The following PTBP2 variants were observed in gnomAD, a reference collection of about 807,000 sequenced individuals.
PTBP2 encodes the protein polypyrimidine tract binding protein 2.
In PTBP2, 13 loss-of-function variants were observed where a neutral mutation model predicts 61.4. The ratio of observed to expected loss-of-function variants is 0.21; its 90% CI spans 0.14 to 0.34. The LOEUF is 0.34. Ranked by LOEUF, PTBP2 falls within the 10% of genes least tolerant of loss-of-function variation. PTBP2 has a pLI of 1.00. For missense variants in PTBP2, 405 were observed against 642.6 expected (o/e 0.63, Z 4.00); for synonymous variants, 215 against 218.5 (o/e 0.98, Z 0.14).
intron 2 of PTBP2, among the ~76,000 whole-genome samples, chr1:96,740,941 CGT>C (rs990181985): frequency 4.2e-4 from 63 of 151,690 alleles, no homozygotes; most frequent in African/African-American, 1.5e-3. Flanking sequence ...CATATTCTAA[CGT>C]GTTAATATTA....
At chr1:96,804,462 G>A (rs1661317512) in intron 8 of PTBP2, among the ~76,000 whole-genome samples, 1 of 151,048 alleles carries the variant, frequency 6.6e-6, no homozygotes, top group South Asian at 2.2e-4. Flanking sequence ...ACTGTAAATC[G>A]TGGAAGTGAA....
At chr1:96,751,880 G>C (rs1654590023) in intron 3 of PTBP2, among the ~76,000 whole-genome samples, 1 of 151,820 alleles carries the variant, frequency 6.6e-6, no homozygotes, top group African/African-American at 2.4e-5. Context: ...CAAATTTTAA[G>C]TAAAAACCGA....
At chr1:96,819,257 T>C (rs1662594683), downstream of PTBP2, 1 of 152,014 alleles carries the variant, frequency 6.6e-6, no homozygotes, top group Non-Finnish European at 1.5e-5. Flanking sequence ...TGCCTAAGCC[T>C]TACTGAATGA....
chr1:96,738,900 A>G (rs1652598146), intron 2 of PTBP2, among the ~76,000 whole-genome samples: 1 of 152,204 alleles, frequency 6.6e-6, no homozygotes, highest in Admixed American at 6.5e-5. Context: ...AGATAAGTAT[A>G]TTTTTTAGAT....
intron 8 of PTBP2, among the ~76,000 whole-genome samples, chr1:96,791,844 T>TTTTG (rs1659867918): frequency 7.2e-6 from 1 of 139,838 alleles, no homozygotes. Flanking sequence ...TTTTTTTTTT[T>TTTTG]TTTTTGAGAT....
chr1:96,737,739 A>T (rs1039301280), intron 2 of PTBP2, among the ~76,000 whole-genome samples: 1 of 152,212 alleles, frequency 6.6e-6, no homozygotes, highest in African/African-American at 2.4e-5. Flanking sequence ...TGACAGTAAT[A>T]TGGAGAGCTT....
downstream of PTBP2, chr1:96,816,362 T>C (rs1293635921): frequency 6.6e-6 from 1 of 152,196 alleles, no homozygotes; most frequent in Non-Finnish European, 1.5e-5. Context: ...ATATTAGTAC[T>C]CTATGACTCT....
intron 3 of PTBP2, among the ~76,000 whole-genome samples, chr1:96,760,582 A>G (rs920125480): frequency 6.6e-6 from 1 of 151,624 alleles, no homozygotes; most frequent in African/African-American, 2.4e-5. Flanking sequence ...AGTAGCTGGA[A>G]CTACAGGTGC....
chr1:96,725,247 A>G (rs1051454909), intron 2 of PTBP2, among the ~76,000 whole-genome samples: 3 of 152,176 alleles, frequency 2.0e-5, no homozygotes, highest in Non-Finnish European at 4.4e-5. Context: ...TAGACAGGAA[A>G]AAACTGAGGA....
At chr1:96,722,680 T>G (rs749096949) in intron 1 of PTBP2, among the ~76,000 whole-genome samples, 1 of 152,160 alleles carries the variant, frequency 6.6e-6, no homozygotes, top group Admixed American at 6.5e-5. Context: ...CAAGAGCAGA[T>G]AGTCAACAAA....
In PTBP2 at chr1:96,749,250, A is replaced by G. The variant is rs76465697; in HGVS notation, c.40-2175A>G. On this transcript the variant is annotated intron_variant, in intron 2 of 13. Coordinates refer to ENST00000674951, the MANE Select transcript of PTBP2 (RefSeq NM_021190.4). ...AGATTCCCCACCTATCGTCTTCCAA[A>G]GTTACTTGTGATCCACTGCAATCAC... is the stretch of plus-strand genomic sequence containing the variant. 6.9e-4 allele frequency among the ~76,000 whole-genome samples: 105 copies of G among 152,294 alleles called. 1 individual carries two copies. In the East Asian group the frequency reaches 0.02, roughly 29 times the overall value.
chr1:96,774,525 G>A (rs1429229665), intron 5 of PTBP2, among the ~76,000 whole-genome samples: 3 of 152,112 alleles, frequency 2.0e-5, no homozygotes, highest in African/African-American at 7.2e-5. Flanking sequence ...ACATGCAAAT[G>A]AGTATGCATT....
intron 2 of PTBP2, among the ~76,000 whole-genome samples, chr1:96,744,474 C>A (rs1015498071): frequency 6.6e-6 from 1 of 152,006 alleles, no homozygotes; most frequent in Non-Finnish European, 1.5e-5. Context: ...TAAAAAATGT[C>A]TTATTACATA....
At chr1:96,781,396 T>C (rs1557747465) in intron 7 of PTBP2, among the ~76,000 whole-genome samples, 1 of 152,062 alleles carries the variant, frequency 6.6e-6, no homozygotes, top group Non-Finnish European at 1.5e-5. Flanking sequence ...TCATGGCTTA[T>C]AAGACTCTAA....
At chr1:96,737,227 A>G (rs1652344013) in intron 2 of PTBP2, among the ~76,000 whole-genome samples, 1 of 152,050 alleles carries the variant, frequency 6.6e-6, no homozygotes, top group African/African-American at 2.4e-5. Flanking sequence ...TGGCCTCCCA[A>G]AGTGCTGGGA....
intron 7 of PTBP2, 135 bp from the exon 8 acceptor site, chr1:96,784,924 A>G (rs951323915): frequency 3.0e-6 from 2 of 657,216 alleles, no homozygotes; most frequent in African/African-American, 1.9e-5. Flanking sequence ...AAAATTTGAT[A>G]TATGAAATTT....
intron 3 of PTBP2, among the ~76,000 whole-genome samples, chr1:96,765,895 T>C (rs1267000019): frequency 1.3e-5 from 2 of 152,008 alleles, no homozygotes; most frequent in African/African-American, 4.8e-5. Context: ...GTCGGGAAAT[T>C]AGAAAAGTAG....
At chr1:96,783,093 G>T (rs1460792176) in intron 7 of PTBP2, among the ~76,000 whole-genome samples, 2 of 151,988 alleles carry the variant, frequency 1.3e-5, no homozygotes, top group African/African-American at 2.4e-5. Flanking sequence ...CACAGGACTG[G>T]TTTGTGTGCT....
At chr1:96,722,744 C>T (rs905205326) in intron 1 of PTBP2, among the ~76,000 whole-genome samples, 2 of 152,122 alleles carry the variant, frequency 1.3e-5, no homozygotes, top group Admixed American at 1.3e-4. Flanking sequence ...CTATAAAAAC[C>T]CAGAACCATG....
Sources: allele counts gnomAD v4.1 joint callset (sites outside exome capture counted in the v4.1 genomes callset), GRCh38; gene constraint gnomAD v4.1.1; transcripts MANE v1.5; gene names NCBI Gene and HGNC (gene_info 2026-07-23, HGNC 2026-07-21).